Variants in GLRA3 observed in about 807,000 individuals in gnomAD.
GLRA3 encodes glycine receptor alpha 3.
GLRA3 carries 44 observed loss-of-function variants against 60.4 expected under a neutral mutation model. The ratio of observed to expected loss-of-function variants is 0.73; its 90% confidence interval spans 0.57 to 0.94. The LOEUF (loss-of-function observed/expected upper bound fraction) is 0.94, where lower values mean the gene tolerates loss of function less well. GLRA3 is among the 40% of genes least tolerant of loss of function. GLRA3 has a pLI of 0.00. For synonymous variants in GLRA3, 223 were observed against 192.9 expected, an observed-to-expected ratio of 1.16 and a Z score of -1.29; for missense variants, 508 against 564.6, an observed-to-expected ratio of 0.90 and a Z score of 1.02.
chr4:174,661,128 C>T (rs536523585), intron 7 of GLRA3, among the ~76,000 whole-genome samples: 55 of 152,126 alleles, frequency 3.6e-4, no homozygotes, highest in African/African-American at 1.2e-3. Flanking sequence ...TAAGTGGTAT[C>T]GTTTCTAGGC....
intron 7 of GLRA3, among the ~76,000 whole-genome samples, chr4:174,663,566 T>G (rs1438301276): frequency 6.6e-6 from 1 of 152,216 alleles, no homozygotes; most frequent in Admixed American, 6.5e-5. Flanking sequence ...CTGCTAATTG[T>G]TAACAGCTTA....
intron 3 of GLRA3, among the ~76,000 whole-genome samples, chr4:174,750,066 GAGT>G (rs1317502957): frequency 1.3e-5 from 2 of 152,050 alleles, no homozygotes; most frequent in East Asian, 3.9e-4. Context: ...TGCCCTCATG[GAGT>G]AGATCTCTGA....
intron 7 of GLRA3, among the ~76,000 whole-genome samples, chr4:174,671,931 G>A (rs1408677824): frequency 6.6e-6 from 1 of 152,118 alleles, no homozygotes; most frequent in Non-Finnish European, 1.5e-5. Context: ...GATTACAGAT[G>A]TGAGCCACCG....
intron 3 of GLRA3, among the ~76,000 whole-genome samples, chr4:174,749,827 AC>A (rs1048195121): frequency 1.1e-4 from 16 of 152,092 alleles, no homozygotes; most frequent in Admixed American, 1.0e-3. Context: ...GGACTACTAA[AC>A]TAAAAGGTAC....
chr4:174,683,010 T>A (rs1734415274), intron 5 of GLRA3, 71 bp from the exon 6 acceptor site: 1 of 1,225,050 alleles, frequency 8.2e-7, no homozygotes, highest in East Asian at 2.3e-5. Flanking sequence ...CAAATTACTT[T>A]ATAGTCACAT....
chr4:174,785,121 A>T (rs1739071621), intron 2 of GLRA3, among the ~76,000 whole-genome samples: 1 of 152,152 alleles, frequency 6.6e-6, no homozygotes, highest in Non-Finnish European at 1.5e-5. Flanking sequence ...TTTTAATAAC[A>T]TTAAACTACT....
intron 1 of GLRA3, among the ~76,000 whole-genome samples, chr4:174,822,913 T>C (rs1740800408): frequency 6.6e-6 from 1 of 152,180 alleles, no homozygotes; most frequent in African/African-American, 2.4e-5. Flanking sequence ...GTAAGGAGAT[T>C]CTGAAAAAAT....
chr4:174,698,194 A>ATG (rs1247298181), intron 5 of GLRA3, among the ~76,000 whole-genome samples: 1 of 151,870 alleles, frequency 6.6e-6, no homozygotes, highest in East Asian at 1.9e-4. Flanking sequence ...TTTTTGATAT[A>ATG]TTTATATATT....
intron 3 of GLRA3, among the ~76,000 whole-genome samples, chr4:174,746,047 A>G (rs755040629): frequency 2.0e-5 from 3 of 152,174 alleles, no homozygotes; most frequent in Non-Finnish European, 2.9e-5. Context: ...CTTGGCAGGA[A>G]TGTAAATTAG....
chr4:174,713,547 C>T (rs1735800004), intron 5 of GLRA3: 2 of 152,174 alleles, frequency 1.3e-5, no homozygotes. Flanking sequence ...ATTCTAATCA[C>T]ATTTGTCTTC....
At chr4:174,657,466 CATA>C (rs1733255128) in intron 8 of GLRA3, among the ~76,000 whole-genome samples, 1 of 152,060 alleles carries the variant, frequency 6.6e-6, no homozygotes, top group Non-Finnish European at 1.5e-5. Context: ...AAAAGCAAAT[CATA>C]ATGATAGGGA....
At chr4:174,751,984 A>C (rs1737507677) in intron 3 of GLRA3, among the ~76,000 whole-genome samples, 1 of 152,080 alleles carries the variant, frequency 6.6e-6, no homozygotes. Context: ...CTGCTTTAGG[A>C]GAAACTAAAC....
At chr4:174,677,801 T>C (rs1191025735) in intron 6 of GLRA3, among the ~76,000 whole-genome samples, 1 of 152,212 alleles carries the variant, frequency 6.6e-6, no homozygotes, top group Non-Finnish European at 1.5e-5. Context: ...TTTTAGGAAA[T>C]AGTAGGAAAC....
intron 1 of GLRA3, among the ~76,000 whole-genome samples, chr4:174,826,290 A>G (rs1299376737): frequency 6.6e-6 from 1 of 152,248 alleles, no homozygotes; most frequent in African/African-American, 2.4e-5. Flanking sequence ...AGATGGATAA[A>G]TCATATAAAC....
intron 7 of GLRA3, among the ~76,000 whole-genome samples, chr4:174,664,099 T>A (rs1307090464): frequency 1.3e-5 from 2 of 152,216 alleles, no homozygotes. Flanking sequence ...TTCTGTGACC[T>A]GTGTTTTCTG....
intron 7 of GLRA3, among the ~76,000 whole-genome samples, chr4:174,673,807 A>T (rs1411477281): frequency 1.3e-5 from 2 of 152,140 alleles, no homozygotes. Flanking sequence ...TCTCCAAGTT[A>T]ACATGTTTTA....
chr4:174,768,680 G>A (rs1738250611), intron 2 of GLRA3, among the ~76,000 whole-genome samples: 1 of 152,084 alleles, frequency 6.6e-6, no homozygotes, highest in South Asian at 2.1e-4. Context: ...CTGAAAGAGG[G>A]AAATATTCCA....
chr4:174,791,640 T>C (rs1739349278), intron 1 of GLRA3, among the ~76,000 whole-genome samples: 1 of 152,216 alleles, frequency 6.6e-6, no homozygotes, highest in South Asian at 2.1e-4. Flanking sequence ...ATTTTTAAAA[T>C]GTGCTTAAAA....
At chr4:174,683,761 C>T (rs1189909931) in intron 5 of GLRA3, among the ~76,000 whole-genome samples, 1 of 152,164 alleles carries the variant, frequency 6.6e-6, no homozygotes, top group Admixed American at 6.5e-5. Flanking sequence ...TTTTGAATCT[C>T]TCCAGAGTTG....
Sources: allele counts gnomAD v4.1 joint callset (sites outside exome capture counted in the v4.1 genomes callset), GRCh38; gene constraint gnomAD v4.1.1; transcripts MANE v1.5; gene names NCBI Gene and HGNC (gene_info 2026-07-23, HGNC 2026-07-21).